The following LAMA3 variants were observed in gnomAD, a reference collection of about 807,000 sequenced individuals.
The protein encoded by LAMA3 is laminin subunit alpha-3.
LAMA3 carries 281 observed loss-of-function variants against 402.0 expected under a neutral mutation model. The ratio of observed to expected loss-of-function variants is 0.70; its 90% CI spans 0.63 to 0.77. LAMA3 has a LOEUF of 0.77. LAMA3 is among the 30% of genes least tolerant of loss of function. The pLI, the probability that LAMA3 is intolerant of heterozygous loss-of-function variation, is 0.00. For synonymous variants in LAMA3, 1,431 were observed against 1,558.4 expected (o/e 0.92, Z 1.93); for missense variants, 3,840 against 4,215.5 (o/e 0.91, Z 2.47).
intron 2 of LAMA3, among the ~76,000 whole-genome samples, chr18:23,727,170 C>A (rs2061313920): frequency 6.6e-6 from 1 of 152,064 alleles, no homozygotes; most frequent in Non-Finnish European, 1.5e-5. Flanking sequence ...AGGCCAAAGT[C>A]CAGAAAAGTT....
intron 35 of LAMA3, among the ~76,000 whole-genome samples, chr18:23,862,089 G>C (rs2064238507): frequency 6.6e-6 from 1 of 152,204 alleles, no homozygotes; most frequent in South Asian, 2.1e-4. Context: ...TTTTCCTCCA[G>C]GGAAATAACC....
chr18:23,949,663 C>T, intron 70 of LAMA3, 102 bp from the exon 71 acceptor site: 1 of 1,112,654 alleles, frequency 9.0e-7, no homozygotes, highest in Non-Finnish European at 1.4e-6. Context: ...CCCTACCTAC[C>T]TTCCCCCTTT....
Position 23,879,787 on chromosome 18 carries a change from G to A in LAMA3, c.5113-2149G>A, listed in dbSNP as rs898491406. Among the ~76,000 whole-genome samples the A allele has an allele frequency of 2.6e-5, 4 of 152,110 alleles. No individual in the cohort carries two copies. The highest frequency in any genetic ancestry group is 6.5e-5 in the Admixed American group (1 of 15,274). The stretch of plus-strand genomic sequence containing the variant: ...TGAAGGGTTTCTCACATATTTTTAC[G>A]GGACTTTGTCAAGCAACACGGGTTT... On this transcript the variant is annotated intron_variant, in intron 39 of 74. Coordinates refer to ENST00000313654, the MANE Select transcript of LAMA3 (RefSeq NM_198129.4). The surrounding 1 kb of genome is among the most constrained non-coding windows in gnomAD (Gnocchi z 4.2).
chr18:23,815,474 G>T lies in LAMA3; in HGVS notation c.1948G>T (p.Gly650Cys), dbSNP rs1170684859. 4 of 1,612,036 alleles carry T rather than the reference G, an allele frequency of 2.5e-6. No individual in the cohort carries two copies. Among genetic ancestry groups the T allele is most frequent in the African/African-American group, 1.3e-5 (1 of 74,868 alleles). The change falls in exon 17 of 75, where the codon GGT becomes TGT. Residue 650 changes from glycine to cysteine, a missense_variant. Around this residue, in one of 3 missense-constraint regions of LAMA3, gnomAD observed 2,109 missense variants for 2,376.0 expected, o/e 0.89. Coordinates refer to ENST00000313654, the MANE Select transcript of LAMA3 (RefSeq NM_198129.4). ...SGTGECRQGD[G>C]DCHCKSHVGG... The stretch of plus-strand genomic sequence containing the variant: ...CTGGCTCACTGTTCTGCAGGGAGAT[G>T]GTGACTGTCACTGCAAGTCCCATGT...
intron 58 of LAMA3, 149 bp from the exon 59 acceptor site, chr18:23,915,140 A>G (rs2081569184): frequency 1.1e-6 from 1 of 892,002 alleles, no homozygotes; most frequent in East Asian, 2.6e-5. Flanking sequence ...TCATACAGCT[A>G]GTAAATAGCA....
intron 33 of LAMA3, 141 bp downstream of exon 33, chr18:23,858,129 C>T (rs545644185): frequency 1.3e-5 from 14 of 1,056,020 alleles, no homozygotes; most frequent in African/African-American, 9.3e-5. Flanking sequence ...TTTATAGTCA[C>T]GATCTCATTT....
In LAMA3 at chr18:23,758,465, G is replaced by C; in HGVS notation, c.1017G>C (p.Gln339His). Residue 339 changes from glutamine to histidine, a missense_variant, in exon 7 of 75, where the codon CAG (glutamine) becomes CAC (histidine). Around this residue, in one of 3 missense-constraint regions of LAMA3, gnomAD observed 2,109 missense variants for 2,376.0 expected, o/e 0.89. Transcript: ENST00000313654. Reference sequence around the variant, plus strand: ...ATCGCTGCTGCACAGGGTACAATCAGAGGCGCTGGCGGCCCGCCGCTTGGG... The same window carrying C: ...ATCGCTGCTGCACAGGGTACAATCACAGGCGCTGGCGGCCCGCCGCTTGGG... ...TCDRCCTGYN[Q>H]RRWRPAAWEQ... 6.2e-7 allele frequency: 1 copy of C among 1,614,060 alleles called. No individual in the cohort carries two copies. The highest frequency in any genetic ancestry group is 1.1e-5 in the South Asian group (1 of 91,080).
chr18:23,916,536 G>A lies in LAMA3; in HGVS notation c.7779-15G>A. Reference sequence around the variant, plus strand: ...TTGCTGCTGTGTTCTAATTTATGATGATTAATGTTGACAGGAGGAAGGAAG... The same window carrying A: ...TTGCTGCTGTGTTCTAATTTATGATAATTAATGTTGACAGGAGGAAGGAAG... On this transcript the variant is annotated splice_polypyrimidine_tract_variant and intron_variant, in intron 59 of 74. Transcript: ENST00000313654. 1 of 1,613,828 alleles carries A rather than the reference G, an allele frequency of 6.2e-7. No individual in the cohort carries two copies. The highest frequency in any genetic ancestry group is 8.5e-7 in the Non-Finnish European group (1 of 1,179,726).
At position 23,753,705 on chromosome 18, in the gene LAMA3, G is replaced by A. The variant is rs545483100; in HGVS notation, c.856-16G>A. The A allele has an allele frequency of 6.2e-6, 10 of 1,600,442 alleles. No individual in the cohort carries two copies. Among genetic ancestry groups the A allele is most frequent in the Admixed American group, 1.7e-5 (1 of 60,012 alleles). On this transcript the variant is annotated splice_polypyrimidine_tract_variant and intron_variant, in intron 5 of 74. Coordinates refer to ENST00000313654, the MANE Select transcript of LAMA3 (RefSeq NM_198129.4). The stretch of plus-strand genomic sequence containing the variant: ...CTGTTCAGTGAAACTTGCATGTTCT[G>A]TGTTCTGTTGTGCAGTATTATTACA...
intron 12 of LAMA3, among the ~76,000 whole-genome samples, chr18:23,786,433 C>T (rs1320863147): frequency 3.3e-5 from 5 of 152,210 alleles, no homozygotes; most frequent in Admixed American, 3.3e-4. Context: ...CACCCCTCCA[C>T]TTGTAGGGTA....
intron 62 of LAMA3, among the ~76,000 whole-genome samples, chr18:23,925,750 C>G (rs530016981): frequency 9.8e-5 from 15 of 152,290 alleles, no homozygotes; most frequent in African/African-American, 3.6e-4. Context: ...TGTAGGTCCT[C>G]AGGTAAGCCA....
chr18:23,689,624 G>A lies in LAMA3; in HGVS notation c.-60G>A. The A allele has an allele frequency of 2.4e-6, 3 of 1,233,194 alleles. No individual in the cohort carries two copies. The highest frequency in any genetic ancestry group is 2.0e-6 in the Non-Finnish European group (2 of 988,670). 76.4% of individuals were successfully genotyped at this position (1,233,194 alleles called of 1,614,324 possible). A position where few individuals can be genotyped will look rare whatever the true frequency, so the allele number is the denominator to read the frequency against. On this transcript the variant is annotated 5_prime_UTR_variant, in exon 1 of 75. Coordinates refer to ENST00000313654, the MANE Select transcript of LAMA3 (RefSeq NM_198129.4). ...CAGGTCCGGGAGGCGCAGGCGGAGA[G>A]CGGCGGTGCCCCCGAGCCCCTCTGC...
chr18:23,744,424 G>C (rs1224253706), intron 2 of LAMA3, among the ~76,000 whole-genome samples: 2 of 152,184 alleles, frequency 1.3e-5, no homozygotes. Flanking sequence ...GCTGGAAGAT[G>C]AGTTGGTGCC....
At chr18:23,935,972 G>A (rs1053471459) in intron 67 of LAMA3, among the ~76,000 whole-genome samples, 5 of 151,894 alleles carry the variant, frequency 3.3e-5, no homozygotes, top group Admixed American at 3.3e-4. Context: ...GCTGGAGGCA[G>A]GATGTGGCTG....
intron 27 of LAMA3, among the ~76,000 whole-genome samples, chr18:23,840,729 G>A (rs2063683799): frequency 6.6e-6 from 1 of 152,008 alleles, no homozygotes. Context: ...CATTCCGTAA[G>A]CTAAAAAATC....
At chr18:23,743,872 C>T (rs1221817659) in intron 2 of LAMA3, among the ~76,000 whole-genome samples, 1 of 152,178 alleles carries the variant, frequency 6.6e-6, no homozygotes. Context: ...CTTTGCCTTT[C>T]TACCTACAGT....
chr18:23,761,516 T>G (rs2061969007), intron 7 of LAMA3, among the ~76,000 whole-genome samples: 2 of 152,220 alleles, frequency 1.3e-5, no homozygotes, highest in Admixed American at 6.5e-5. Context: ...AAGCCCCAGT[T>G]TTCCAATCTG....
intron 8 of LAMA3, among the ~76,000 whole-genome samples, chr18:23,769,442 C>T (rs1415580987): frequency 6.6e-6 from 1 of 152,088 alleles, no homozygotes; most frequent in Non-Finnish European, 1.5e-5. Context: ...AAATATAATA[C>T]ATATGCAACA....
At chr18:23,817,628 T>C (rs1188942137) in intron 18 of LAMA3, among the ~76,000 whole-genome samples, 2 of 152,134 alleles carry the variant, frequency 1.3e-5, no homozygotes, top group Admixed American at 6.5e-5. Context: ...GGCAGGAGGA[T>C]AGCTTGAGCC....
Sources: gnomAD v4.1 joint callset for allele counts (sites outside exome capture counted in the v4.1 genomes callset) on GRCh38, gnomAD v4.1.1 for gene constraint, gnomAD v4.1.1 regional missense constraint, Gnocchi (gnomAD v3.1) non-coding constraint, MANE v1.5 for transcripts, NCBI Gene and HGNC (gene_info 2026-07-23, HGNC 2026-07-21) for gene names.